Variants in ARL13B observed in about 807,000 individuals in gnomAD.
ARL13B encodes the protein ARF like GTPase 13B, also known as ADP-ribosylation factor-like protein 13B.
Under a neutral mutation model 56.1 loss-of-function variants are expected in ARL13B, and 36 were observed. The observed-to-expected ratio is 0.64, with a 90% CI of 0.49 to 0.85. The LOEUF (loss-of-function observed/expected upper bound fraction) is 0.85, where lower values mean the gene tolerates loss of function less well. ARL13B is among the 40% of genes least tolerant of loss of function. The pLI is 0.00. For missense variants in ARL13B, 519 were observed against 507.1 expected, an observed-to-expected ratio of 1.02 and a Z score of -0.23; for synonymous variants, 178 against 171.1, an observed-to-expected ratio of 1.04 and a Z score of -0.32.
At chr3:94,040,524 G>A (rs1052833474) in intron 6 of ARL13B, among the ~76,000 whole-genome samples, 5 of 151,968 alleles carry the variant, frequency 3.3e-5, no homozygotes, top group Non-Finnish European at 5.9e-5. Flanking sequence ...TAATTATGAA[G>A]ACGTTAAGGG....
chr3:94,002,870 T>C (rs1332494446), intron 2 of ARL13B, among the ~76,000 whole-genome samples: 2 of 152,190 alleles, frequency 1.3e-5, no homozygotes, highest in East Asian at 3.9e-4. Context: ...TTGTTCATAT[T>C]CCTTTACTTT....
chr3:94,011,036 G>A (rs568170763), intron 3 of ARL13B, among the ~76,000 whole-genome samples: 30 of 151,996 alleles, frequency 2.0e-4, no homozygotes, highest in East Asian at 1.5e-3. Context: ...TATTTGAAGC[G>A]GAGATACGTG....
chr3:93,986,405 C>CT (rs1373399083), intron 1 of ARL13B, among the ~76,000 whole-genome samples: 1 of 152,126 alleles, frequency 6.6e-6, no homozygotes, highest in Admixed American at 6.5e-5. Context: ...TAAAATCACA[C>CT]TGTTTTTTCG....
intron 1 of ARL13B, 141 bp from the exon 2 acceptor site, chr3:93,995,733 T>C (rs2075954509): frequency 1.4e-6 from 1 of 703,688 alleles, no homozygotes; most frequent in African/African-American, 1.8e-5. Flanking sequence ...TTATTCATCA[T>C]TGTACTCCCT....
chr3:94,029,637 G>T (rs1037535079), intron 3 of ARL13B, among the ~76,000 whole-genome samples: 2 of 151,534 alleles, frequency 1.3e-5, no homozygotes, highest in East Asian at 1.9e-4. Context: ...CACCATGCCC[G>T]GCCAATCACA....
chr3:93,988,896 G>T (rs1471350778), intron 1 of ARL13B: 14 of 324,646 alleles, frequency 4.3e-5, no homozygotes, highest in East Asian at 2.8e-4. Flanking sequence ...ATCTCCTCTT[G>T]GGCTCTTGCT....
At chr3:94,005,564 A>G (rs2076120033) in intron 3 of ARL13B, among the ~76,000 whole-genome samples, 1 of 152,224 alleles carries the variant, frequency 6.6e-6, no homozygotes, top group Non-Finnish European at 1.5e-5. Flanking sequence ...AATTTCCTGA[A>G]TAGAAAAGAA....
chr3:93,992,643 C>T (rs1333416497), intron 1 of ARL13B, among the ~76,000 whole-genome samples: 2 of 152,108 alleles, frequency 1.3e-5, no homozygotes, highest in African/African-American at 2.4e-5. Context: ...TAATCGCTTT[C>T]GTTCATGGCA....
intron 7 of ARL13B, among the ~76,000 whole-genome samples, chr3:94,049,158 T>C (rs1018878452): frequency 6.6e-6 from 1 of 152,196 alleles, no homozygotes; most frequent in Non-Finnish European, 1.5e-5. Flanking sequence ...CTCTCAGAAA[T>C]TAAAATATAG....
At chr3:94,001,940 C>G (rs1357960949) in intron 2 of ARL13B, among the ~76,000 whole-genome samples, 1 of 152,040 alleles carries the variant, frequency 6.6e-6, no homozygotes, top group Non-Finnish European at 1.5e-5. Context: ...CTAACTTTAC[C>G]TTTTTCTTTT....
chr3:94,012,827 C>A (rs149797537), intron 3 of ARL13B, among the ~76,000 whole-genome samples: 193 of 152,248 alleles, frequency 1.3e-3, no homozygotes, highest in African/African-American at 4.4e-3. Flanking sequence ...TACCTATGTG[C>A]TTGTCTTCTA....
At chr3:93,982,075 C>A (rs1447530832) in intron 1 of ARL13B, among the ~76,000 whole-genome samples, 1 of 152,024 alleles carries the variant, frequency 6.6e-6, no homozygotes, top group Non-Finnish European at 1.5e-5. Context: ...ATATAACTTA[C>A]GTTCTTTTAA....
chr3:94,046,827 T>C (rs1340749195), intron 7 of ARL13B, among the ~76,000 whole-genome samples: 1 of 152,200 alleles, frequency 6.6e-6, no homozygotes, highest in Non-Finnish European at 1.5e-5. Context: ...TTTTCTCTTA[T>C]TTTAATATCA....
At chr3:94,038,523 T>TC (rs2076808632) in intron 5 of ARL13B, among the ~76,000 whole-genome samples, 1 of 143,810 alleles carries the variant, frequency 7.0e-6, no homozygotes, top group African/African-American at 2.6e-5. Flanking sequence ...CTCTTTTTTT[T>TC]TTTTTTTTTT....
intron 7 of ARL13B, among the ~76,000 whole-genome samples, chr3:94,045,015 TGTG>T (rs1367521144): frequency 6.6e-6 from 1 of 151,716 alleles, no homozygotes; most frequent in Non-Finnish European, 1.5e-5. Flanking sequence ...AAGGGGGAAA[TGTG>T]GGGAAAAGAA....
intron 9 of ARL13B, among the ~76,000 whole-genome samples, chr3:94,051,400 G>A (rs933983133): frequency 8.5e-5 from 13 of 152,052 alleles, no homozygotes; most frequent in Admixed American, 7.2e-4. Context: ...AATAAAGTTC[G>A]ACTAAGTAGA....
chr3:94,038,735 C>A (rs1355964106), intron 5 of ARL13B, among the ~76,000 whole-genome samples: 1 of 151,850 alleles, frequency 6.6e-6, no homozygotes, highest in African/African-American at 2.4e-5. Flanking sequence ...GTTGATTAGG[C>A]TGGTCTCAAA....
intron 9 of ARL13B, 132 bp from the exon 10 acceptor site, chr3:94,053,055 C>G: frequency 1.4e-6 from 1 of 737,032 alleles, no homozygotes; most frequent in East Asian, 2.7e-5. Context: ...TTTAGAGAGG[C>G]ATGTCAAGAT....
chr3:94,044,219 C>G (rs1010915818), intron 7 of ARL13B, among the ~76,000 whole-genome samples: 20 of 151,488 alleles, frequency 1.3e-4, no homozygotes, highest in Non-Finnish European at 2.7e-4. Context: ...AGGAGTGTCT[C>G]TGCCTGGCCG....
Sources: gnomAD v4.1 joint callset for allele counts (sites outside exome capture counted in the v4.1 genomes callset) on GRCh38, gnomAD v4.1.1 for gene constraint, MANE v1.5 for transcripts, NCBI Gene and HGNC (gene_info 2026-07-23, HGNC 2026-07-21) for gene names.